The following PRCD variants were observed in gnomAD, a reference collection of about 807,000 sequenced individuals.
PRCD encodes the protein photoreceptor disk component PRCD.
A neutral mutation model predicts 10.1 loss-of-function variants in PRCD; 12 were observed. The ratio of observed to expected loss-of-function variants is 1.18; its 90% CI spans 0.76 to 1.92. The LOEUF (loss-of-function observed/expected upper bound fraction) is 1.92, where lower values mean the gene tolerates loss of function less well. Ranked by LOEUF, PRCD falls within the 40% of genes most tolerant of loss-of-function variation. The probability of loss-of-function intolerance (pLI) is 0.00; values close to 1 mark genes in which losing one functional copy is unlikely to be tolerated. For missense variants in PRCD, 61 were observed against 72.2 expected (o/e 0.84, Z 0.56); for synonymous variants, 31 against 26.2 (o/e 1.18, Z -0.56).
upstream of PRCD, chr17:76,537,273 C>CCGT (rs1484420747): frequency 8.8e-7 from 1 of 1,141,038 alleles, no homozygotes; most frequent in Non-Finnish European, 1.1e-6. Flanking sequence ...GCTCCGCCGA[C>CCGT]CTCGGACCGG....
rs890282769 is a variant in PRCD at position 76,533,084 on chromosome 17, G to A, written n.45+5251G>A. 5.3e-5 allele frequency among the ~76,000 whole-genome samples: 8 copies of A among 152,220 alleles called. No homozygotes were observed. Among genetic ancestry groups the A allele is most frequent in the Admixed American group, 1.3e-4 (2 of 15,284 alleles). On this transcript the variant is annotated intron_variant and non_coding_transcript_variant, in intron 1 of 4. Coordinates refer to the PRCD transcript ENST00000397633. This position sits in a 1 kb window ranked among gnomAD's most constrained non-coding sequence, Gnocchi z 4.5. ...CAGATGTGAGGGCTGGAACAGATGC[G>A]GAGAGGGCATCTGGCCGGGTCATCC...
At chr17:76,548,112 CACAT>C (rs754588935), downstream of PRCD, among the ~76,000 whole-genome samples, 737 of 151,910 alleles carry the variant, frequency 4.9e-3, 3 homozygotes, top group African/African-American at 0.016. Context: ...GAAACACACA[CACAT>C]AATCACAGAT....
rs1007505088 is a variant in PRCD at position 76,533,957 on chromosome 17, C to T, written n.45+6124C>T. On this transcript the variant is annotated intron_variant and non_coding_transcript_variant, in intron 1 of 4. Coordinates refer to the PRCD transcript ENST00000397633. This position sits in a 1 kb window ranked among gnomAD's most constrained non-coding sequence, Gnocchi z 4.5. ...GCAGCAGGAAGATCCGATCGCATCA[C>T]GAGCCCAGGATTGGAGGCTGCCATG... Among the ~76,000 whole-genome samples the T allele has an allele frequency of 9.2e-5, 14 of 151,960 alleles. No homozygotes were observed. The highest frequency in any genetic ancestry group is 2.9e-4 in the African/African-American group (12 of 41,424).
rs1230111408 is a variant in PRCD at position 76,529,729 on chromosome 17, G to A, written n.45+1896G>A. 4.1e-6 allele frequency: 4 copies of A among 985,244 alleles called. No individual in the cohort carries two copies. In the East Asian group the frequency reaches 3.4e-4, roughly 84 times the overall value. The allele number at this position is 985,244 out of a possible 1,614,324, so 61.0% of individuals were successfully genotyped here. On this transcript the variant is annotated intron_variant and non_coding_transcript_variant, in intron 1 of 4. Coordinates refer to the PRCD transcript ENST00000397633. ...CTGGGTGACAGCTGGTGGGGGGTGA[G>A]GGGGCAACCACTGCTCTCCACGCCC...
At chr17:76,538,648 C>G (rs1224419172), upstream of PRCD, 1 of 352,448 alleles carries the variant, frequency 2.8e-6, no homozygotes, top group Admixed American at 3.7e-5. Context: ...TCAGCCGCCA[C>G]CAAGGGCCCG....
chr17:76,541,003 T>A (rs1028998710), intron 2 of PRCD, among the ~76,000 whole-genome samples: 2 of 152,138 alleles, frequency 1.3e-5, no homozygotes, highest in Non-Finnish European at 1.5e-5. Context: ...CAGTCCCCAA[T>A]AGAAGGCGCG....
chr17:76,531,540 G>A lies in PRCD; in HGVS notation n.45+3707G>A. The A allele has an allele frequency of 6.2e-7, 1 of 1,614,148 alleles. No homozygotes were observed. The highest frequency in any genetic ancestry group is 8.5e-7 in the Non-Finnish European group (1 of 1,179,980). On this transcript the variant is annotated intron_variant and non_coding_transcript_variant, in intron 1 of 4. Coordinates refer to the PRCD transcript ENST00000397633. This position sits in a 1 kb window ranked among gnomAD's most constrained non-coding sequence, Gnocchi z 7.4. ...GCGAGCACAGAGGACACCTTGTCGG[G>A]GTCATGCAGGTTCTCCACGACAGTG...
At chr17:76,527,896 A>G in intron 1 of PRCD, 1 of 435,968 alleles carries the variant, frequency 2.3e-6, no homozygotes, top group East Asian at 7.1e-5. Flanking sequence ...AGTGGAATTC[A>G]GGAATGTGGG....
rs542264467 is a variant in PRCD at position 76,532,709 on chromosome 17, G to T, written n.45+4876G>T. Among the ~76,000 whole-genome samples, 89 of 151,488 alleles carry T rather than the reference G, an allele frequency of 5.9e-4. No individual in the cohort carries two copies. The South Asian group carries it at 7.5e-3, about 13-fold the overall frequency. On this transcript the variant is annotated intron_variant and non_coding_transcript_variant, in intron 1 of 4. Transcript: ENST00000397633. The stretch of plus-strand genomic sequence containing the variant: ...ACCACGCCCGGCTAGCTAATTTTTT[G>T]TATTTTTAGTAGAGACAGGGTTTCA...
chr17:76,538,801 C>T (rs2074953211), upstream of PRCD, among the ~76,000 whole-genome samples: 1 of 152,252 alleles, frequency 6.6e-6, no homozygotes, highest in African/African-American at 2.4e-5. Flanking sequence ...TGAGGCCAGA[C>T]AGGGCCTGGC....
Position 76,531,764 on chromosome 17 carries a change from T to TA in PRCD, n.45+3931_45+3932insA, listed in dbSNP as rs2074847377. Reference sequence around the variant, plus strand: ...GCCCACCCTGAAGCTTCCAGGATAGTGGGGGCTGAAGAAGTGGACCGCAGT... The same window carrying TA: ...GCCCACCCTGAAGCTTCCAGGATAGTAGGGGGCTGAAGAAGTGGACCGCAGT... On this transcript the variant is annotated intron_variant and non_coding_transcript_variant, in intron 1 of 4. Coordinates refer to the PRCD transcript ENST00000397633. The surrounding 1 kb of genome is among the most constrained non-coding windows in gnomAD (Gnocchi z 7.4). 2 of 1,267,384 alleles carry TA rather than the reference T, an allele frequency of 1.6e-6. No individual in the cohort carries two copies. The highest frequency in any genetic ancestry group is 2.2e-6 in the Non-Finnish European group (2 of 903,204). 78.5% of individuals were successfully genotyped at this position (1,267,384 alleles called of 1,614,324 possible).
chr17:76,531,249 A>C lies in PRCD; in HGVS notation n.45+3416A>C. On this transcript the variant is annotated intron_variant and non_coding_transcript_variant, in intron 1 of 4. Transcript: ENST00000397633. This position sits in a 1 kb window ranked among gnomAD's most constrained non-coding sequence, Gnocchi z 7.4. ...GGCCGAGAGGATCATTCCTAACGCA[A>C]CAGTCTGGCAGCTTTGGGAACCCCG... is the stretch of plus-strand genomic sequence containing the variant. 1 of 1,317,230 alleles carries C rather than the reference A, an allele frequency of 7.6e-7. No homozygotes were observed. Among genetic ancestry groups the C allele is most frequent in the Non-Finnish European group, 1.0e-6 (1 of 956,700 alleles). The allele number at this position is 1,317,230 out of a possible 1,614,324, so 81.6% of individuals were successfully genotyped here. A position where few individuals can be genotyped will look rare whatever the true frequency, so the allele number is the denominator to read the frequency against.
rs997800021 is a variant in PRCD at position 76,531,404 on chromosome 17, G to T, written n.45+3571G>T. 6.4e-7 allele frequency: 1 copy of T among 1,566,270 alleles called. No individual in the cohort carries two copies. Among genetic ancestry groups the T allele is most frequent in the African/African-American group, 1.3e-5 (1 of 74,212 alleles). ...AGAGCCGTCGCAGAGCCTGCGAGCT[G>T]CAGATGGCCATGACGCGTGGGCGGT... On this transcript the variant is annotated intron_variant and non_coding_transcript_variant, in intron 1 of 4. Transcript: ENST00000397633. This position sits in a 1 kb window ranked among gnomAD's most constrained non-coding sequence, Gnocchi z 7.4.
upstream of PRCD, chr17:76,538,584 A>G: frequency 2.2e-6 from 1 of 450,752 alleles, no homozygotes; most frequent in South Asian, 1.6e-5. Flanking sequence ...GATAGGGCAG[A>G]CAGGACCTGG....
chr17:76,531,538 G>A lies in PRCD; in HGVS notation n.45+3705G>A, dbSNP rs376396725. ...GGGCGAGCACAGAGGACACCTTGTC[G>A]GGGTCATGCAGGTTCTCCACGACAG... On this transcript the variant is annotated intron_variant and non_coding_transcript_variant, in intron 1 of 4. Coordinates refer to the PRCD transcript ENST00000397633. This position sits in a 1 kb window ranked among gnomAD's most constrained non-coding sequence, Gnocchi z 7.4. 5 of 1,614,014 alleles carry A rather than the reference G, an allele frequency of 3.1e-6. No individual in the cohort carries two copies. The highest frequency in any genetic ancestry group is 2.7e-5 in the African/African-American group (2 of 74,930).
downstream of PRCD, among the ~76,000 whole-genome samples, chr17:76,548,361 T>TA (rs1472664987): frequency 6.6e-6 from 1 of 152,116 alleles, no homozygotes; most frequent in Non-Finnish European, 1.5e-5. Flanking sequence ...AGCATTAAAA[T>TA]AAATTAATGT....
chr17:76,543,263 G>A (rs559320425), intron 4 of PRCD, 142 bp downstream of exon 4: 39 of 361,332 alleles, frequency 1.1e-4, no homozygotes, highest in South Asian at 7.9e-4. Context: ...CCTTCCCTCT[G>A]AGTTCCTGAG....
Position 76,544,158 on chromosome 17 carries a change from G to A in PRCD, c.*508G>A, listed in dbSNP as rs1264276277. ...CCAGGAGCAGACCCTGCAGGCAGCT[G>A]CTCCTGATGTCTCACAGCTATTAGT... is the stretch of plus-strand genomic sequence containing the variant. On this transcript the variant is annotated 3_prime_UTR_variant, in exon 5 of 5. Coordinates refer to ENST00000592014, the MANE Select transcript of PRCD (RefSeq NM_001077620.3). The A allele has an allele frequency of 6.6e-6, 3 of 454,576 alleles. No individual in the cohort carries two copies. The highest frequency in any genetic ancestry group is 4.7e-5 in the South Asian group (3 of 64,480). The allele number at this position is 454,576 out of a possible 1,614,324, so 28.2% of individuals were successfully genotyped here.
chr17:76,531,603 G>T lies in PRCD; in HGVS notation n.45+3770G>T. 2 of 1,613,862 alleles carry T rather than the reference G, an allele frequency of 1.2e-6. No homozygotes were observed. Among genetic ancestry groups the T allele is most frequent in the South Asian group, 2.2e-5 (2 of 91,090 alleles). ...ATGACTCGGCAGGCGTGCTTCCGCA[G>T]CTGGGGGCTCCGCTCCATCTCCAGG... On this transcript the variant is annotated intron_variant and non_coding_transcript_variant, in intron 1 of 4. Coordinates refer to the PRCD transcript ENST00000397633. This position sits in a 1 kb window ranked among gnomAD's most constrained non-coding sequence, Gnocchi z 7.4.
Sources: allele counts gnomAD v4.1 joint callset (sites outside exome capture counted in the v4.1 genomes callset), GRCh38; gene constraint gnomAD v4.1.1; non-coding constraint Gnocchi (gnomAD v3.1); transcripts MANE v1.5; gene names NCBI Gene and HGNC (gene_info 2026-07-23, HGNC 2026-07-21).